The following NMNAT2 variants were observed in gnomAD, a reference collection of about 807,000 sequenced individuals.
NMNAT2 encodes the protein nicotinamide/nicotinic acid mononucleotide adenylyltransferase 2.
Under a neutral mutation model 41.6 loss-of-function variants are expected in NMNAT2, and 11 were observed. That is an observed-to-expected ratio of 0.26 (90% CI 0.17 to 0.44). The LOEUF is 0.44. NMNAT2 is among the 20% of genes least tolerant of loss of function. The pLI is 1.00. For missense variants in NMNAT2, 288 were observed against 407.7 expected, an observed-to-expected ratio of 0.71 and a Z score of 2.53; for synonymous variants, 148 against 151.2, an observed-to-expected ratio of 0.98 and a Z score of 0.16.
chr1:183,265,882 A>C (rs924604917), intron 8 of NMNAT2, among the ~76,000 whole-genome samples: 1 of 152,210 alleles, frequency 6.6e-6, no homozygotes, highest in African/African-American at 2.4e-5. Context: ...GCAGGCCCTA[A>C]ATGCAGTAAC....
intron 8 of NMNAT2, among the ~76,000 whole-genome samples, chr1:183,274,024 T>C (rs1661061772): frequency 6.6e-6 from 1 of 151,846 alleles, no homozygotes; most frequent in Non-Finnish European, 1.5e-5. Flanking sequence ...GCAATTCCCC[T>C]GCCTCAGCCA....
At chr1:183,380,600 G>A (rs1663783932) in intron 1 of NMNAT2, among the ~76,000 whole-genome samples, 1 of 152,122 alleles carries the variant, frequency 6.6e-6, no homozygotes. Context: ...AATTCTGACT[G>A]GACAGATAAT....
At chr1:183,383,883 GC>G (rs1557895774) in intron 1 of NMNAT2, among the ~76,000 whole-genome samples, 1 of 152,180 alleles carries the variant, frequency 6.6e-6, no homozygotes, top group African/African-American at 2.4e-5. Flanking sequence ...CTTCTTCTGA[GC>G]CCTCCAGACT....
Position 183,259,606 on chromosome 1 carries a change from T to TGTG in NMNAT2, c.821+1395_821+1396insCAC, listed in dbSNP as rs1553268943. On this transcript the variant is annotated intron_variant, in intron 10 of 10. Transcript: ENST00000287713. ...GAGCTTGTCCACACCTATAATTTTTTTGTGTGTGTGTGTGATGGGGTCTCA... is the reference window on the plus strand; with the variant it reads ...GAGCTTGTCCACACCTATAATTTTTTGTGTGTGTGTGTGTGTGATGGGGTCTCA... Among the ~76,000 whole-genome samples the TGTG allele has an allele frequency of 7.9e-5, 12 of 151,748 alleles. No individual in the cohort carries two copies. The East Asian group carries it at 1.5e-3, about 20-fold the overall frequency.
intron 1 of NMNAT2, among the ~76,000 whole-genome samples, chr1:183,307,717 A>T (rs1250243501): frequency 6.6e-6 from 1 of 152,198 alleles, no homozygotes; most frequent in Non-Finnish European, 1.5e-5. Context: ...TGCTGAGATT[A>T]CAGGCGTGAG....
At chr1:183,358,115 G>A (rs1243240573) in intron 1 of NMNAT2, among the ~76,000 whole-genome samples, 1 of 152,180 alleles carries the variant, frequency 6.6e-6, no homozygotes, top group Admixed American at 6.5e-5. Context: ...CATGTCCTTT[G>A]CAGGGACATG....
chr1:183,405,039 G>A (rs896999935), intron 1 of NMNAT2, among the ~76,000 whole-genome samples: 2 of 152,118 alleles, frequency 1.3e-5, no homozygotes, highest in South Asian at 2.1e-4. Flanking sequence ...TGGGCAACAT[G>A]GTGAAATCCC....
chr1:183,334,374 A>G (rs1662641573), intron 1 of NMNAT2, among the ~76,000 whole-genome samples: 1 of 151,908 alleles, frequency 6.6e-6, no homozygotes, highest in African/African-American at 2.4e-5. Context: ...GCCCTGTTGA[A>G]TTTCAATAGA....
intron 1 of NMNAT2, among the ~76,000 whole-genome samples, chr1:183,408,277 CTGT>C (rs1227029643): frequency 3.9e-5 from 6 of 152,222 alleles, no homozygotes; most frequent in African/African-American, 1.4e-4. Flanking sequence ...CCACTCACCT[CTGT>C]TGTTTCAGTG....
intron 1 of NMNAT2, among the ~76,000 whole-genome samples, chr1:183,417,737 A>G (rs192378531): frequency 6.6e-6 from 1 of 152,098 alleles, no homozygotes. Flanking sequence ...AGGCACATAC[A>G]TGATTTAACT....
chr1:183,388,574 T>C (rs1648330075), intron 1 of NMNAT2, among the ~76,000 whole-genome samples: 1 of 152,234 alleles, frequency 6.6e-6, no homozygotes, highest in Non-Finnish European at 1.5e-5. Context: ...TTGTAATTAA[T>C]CAATAAAAAA....
chr1:183,331,352 G>GGAGGC lies in NMNAT2; in HGVS notation c.86-37564_86-37560dup, dbSNP rs1387931494. The stretch of plus-strand genomic sequence containing the variant: ...GACTTGAGGAGGAGACTGGCTGACG[G>GGAGGC]GAGGCGAGGCGAGGCGTGAAGGAGA... On this transcript the variant is annotated intron_variant, in intron 1 of 10. Coordinates refer to ENST00000287713, the MANE Select transcript of NMNAT2 (RefSeq NM_015039.4). Among the ~76,000 whole-genome samples, 9 of 152,210 alleles carry GGAGGC rather than the reference G, an allele frequency of 5.9e-5. No homozygotes were observed. The South Asian group carries it at 6.2e-4, about 10-fold the overall frequency.
intron 1 of NMNAT2, among the ~76,000 whole-genome samples, chr1:183,329,621 A>C (rs1024521944): frequency 1.3e-5 from 2 of 152,198 alleles, no homozygotes; most frequent in African/African-American, 4.8e-5. Flanking sequence ...AGCCAGAGCC[A>C]CACTGAGCTG....
intron 1 of NMNAT2, among the ~76,000 whole-genome samples, chr1:183,316,256 T>C (rs1557876020): frequency 6.6e-6 from 1 of 152,152 alleles, no homozygotes; most frequent in Non-Finnish European, 1.5e-5. Context: ...TGGAGAGCCA[T>C]GCGAACAATG....
chr1:183,309,968 G>GTGAACCTTTT (rs1662074253), intron 1 of NMNAT2, among the ~76,000 whole-genome samples: 2 of 152,154 alleles, frequency 1.3e-5, no homozygotes, highest in African/African-American at 4.8e-5. Context: ...TTTATCCTGG[G>GTGAACCTTTT]TGAACCTTTT....
intron 8 of NMNAT2, among the ~76,000 whole-genome samples, chr1:183,274,231 C>G (rs1661067124): frequency 6.6e-6 from 1 of 151,944 alleles, no homozygotes; most frequent in Admixed American, 6.6e-5. Flanking sequence ...CTATTTCTAG[C>G]AGACAGCCAG....
intron 1 of NMNAT2, among the ~76,000 whole-genome samples, chr1:183,306,549 T>A (rs1318212148): frequency 6.6e-6 from 1 of 152,096 alleles, no homozygotes; most frequent in Non-Finnish European, 1.5e-5. Flanking sequence ...GAAGCTCAAT[T>A]ACTGCATTGA....
chr1:183,384,631 C>A (rs1648129296), intron 1 of NMNAT2, among the ~76,000 whole-genome samples: 6 of 152,186 alleles, frequency 3.9e-5, no homozygotes, highest in Admixed American at 3.9e-4. Context: ...GATGACAATT[C>A]AACATGAGAT....
chr1:183,274,381 T>G (rs1480048115), intron 8 of NMNAT2, among the ~76,000 whole-genome samples: 1 of 152,006 alleles, frequency 6.6e-6, no homozygotes, highest in Non-Finnish European at 1.5e-5. Context: ...GCACGATCTC[T>G]GCTCACTGCA....
Sources: gnomAD v4.1 joint callset for allele counts (sites outside exome capture counted in the v4.1 genomes callset) on GRCh38, gnomAD v4.1.1 for gene constraint, MANE v1.5 for transcripts, NCBI Gene and HGNC (gene_info 2026-07-23, HGNC 2026-07-21) for gene names.